VAMP7: variants seen among roughly 807,000 people sequenced by gnomAD.
The protein encoded by VAMP7 is vesicle associated membrane protein 7.
Under a neutral mutation model 29.6 loss-of-function variants are expected in VAMP7, and 14 were observed. That is an observed-to-expected ratio of 0.47 (90% CI 0.31 to 0.74). The LOEUF (loss-of-function observed/expected upper bound fraction) is 0.74. Among genes scored for constraint, VAMP7 ranks in the 30% least tolerant of loss-of-function variants. The pLI is 0.05. For missense variants in VAMP7, 223 were observed against 262.4 expected, an observed-to-expected ratio of 0.85 and a Z score of 1.04; for synonymous variants, 95 against 88.1, an observed-to-expected ratio of 1.08 and a Z score of -0.44.
chrX:155,935,079 C>G (rs1014848694), intron 6 of VAMP7, among the ~76,000 whole-genome samples: 1 of 152,174 alleles, frequency 6.6e-6, no homozygotes, highest in African/African-American at 2.4e-5. Context: ...AGCTGTTAGT[C>G]TGATGGGCTT....
chrX:155,923,852 A>G (rs904150318), intron 6 of VAMP7, among the ~76,000 whole-genome samples: 1 of 151,940 alleles, frequency 6.6e-6, no homozygotes, highest in Non-Finnish European at 1.5e-5. Context: ...TTCTATTGCT[A>G]TGTCTTCAAG....
At chrX:155,927,765 G>T (rs1603000996) in intron 6 of VAMP7, among the ~76,000 whole-genome samples, 4 of 141,220 alleles carry the variant, frequency 2.8e-5, no homozygotes, top group South Asian at 2.2e-4. Flanking sequence ...CACAATGGCA[G>T]TTTTTTTTTT....
intron 4 of VAMP7, 126 bp downstream of exon 4, chrX:155,898,375 T>A: frequency 7.8e-7 from 1 of 1,283,358 alleles, no homozygotes; most frequent in African/African-American, 1.5e-5. Context: ...GCCAACATAA[T>A]AAAACTTCCC....
intron 3 of VAMP7, among the ~76,000 whole-genome samples, chrX:155,897,076 G>A: frequency 6.6e-6 from 1 of 151,984 alleles, no homozygotes. Flanking sequence ...GATGTGATGG[G>A]TGTTGACAGT....
At position 155,933,821 on chromosome X, in the gene VAMP7, C is replaced by T. The variant is rs1024098281; in HGVS notation, c.502-5880C>T. Among the ~76,000 whole-genome samples the T allele has an allele frequency of 5.1e-3, 773 of 152,098 alleles. 5 individuals are homozygous for T. Among genetic ancestry groups the T allele is most frequent in the African/African-American group, 0.017 (718 of 41,470 alleles). ...TGTCAATTTTATATCTTTCCTGCTT[C>T]CTTTTGTGGGCATTTAGTGCTATAA... On this transcript the variant is annotated intron_variant, in intron 6 of 7. Transcript: ENST00000286448.
At chrX:155,907,524 C>T (rs2066164183) in intron 5 of VAMP7, among the ~76,000 whole-genome samples, 1 of 149,436 alleles carries the variant, frequency 6.7e-6, no homozygotes, top group African/African-American at 2.5e-5. Context: ...GCACATCTTG[C>T]ACCGCCCTTA....
rs370305078 is a variant in VAMP7 at position 155,890,471 on chromosome X, G to C, written c.146+859G>C. ...CATCTCCCAGGTTCAGATGATTCTCGTGCCTTAGCCTCCTGAGTAGCTGGG... is the reference window on the plus strand; with the variant it reads ...CATCTCCCAGGTTCAGATGATTCTCCTGCCTTAGCCTCCTGAGTAGCTGGG... On this transcript the variant is annotated intron_variant, in intron 2 of 7. Coordinates refer to ENST00000286448, the MANE Select transcript of VAMP7 (RefSeq NM_005638.6). Among the ~76,000 whole-genome samples, 239 of 152,118 alleles carry C rather than the reference G, an allele frequency of 1.6e-3. 8 individuals are homozygous for C. The South Asian group carries it at 0.048, about 31-fold the overall frequency.
At chrX:155,921,979 T>A (rs2066402840) in intron 6 of VAMP7, among the ~76,000 whole-genome samples, 1 of 152,026 alleles carries the variant, frequency 6.6e-6, no homozygotes, top group Non-Finnish European at 1.5e-5. Context: ...GATTTAAAAA[T>A]TTTTCTCAGC....
chrX:155,927,721 G>T (rs2066490753), intron 6 of VAMP7, among the ~76,000 whole-genome samples: 1 of 148,384 alleles, frequency 6.7e-6, no homozygotes, highest in African/African-American at 2.5e-5. Flanking sequence ...TTTTTTTAAA[G>T]AATACTTTCT....
chrX:155,926,225 G>T (rs1267332800), intron 6 of VAMP7, among the ~76,000 whole-genome samples: 1 of 152,114 alleles, frequency 6.6e-6, no homozygotes, highest in Non-Finnish European at 1.5e-5. Context: ...CCAGTCATTG[G>T]CTTCTCTCTA....
chrX:155,888,213 G>T (rs1021318076), intron 1 of VAMP7, among the ~76,000 whole-genome samples: 4 of 152,162 alleles, frequency 2.6e-5, no homozygotes, highest in Non-Finnish European at 5.9e-5. Flanking sequence ...TGCTGGGATT[G>T]CAATAAGGAA....
chrX:155,904,012 A>G (rs2066109365), intron 5 of VAMP7, among the ~76,000 whole-genome samples: 2 of 151,978 alleles, frequency 1.3e-5, no homozygotes, highest in Admixed American at 6.6e-5. Context: ...ACACCATGGA[A>G]TACTATGCAG....
intron 7 of VAMP7, 78 bp from the exon 8 acceptor site, chrX:155,941,805 G>A (rs745430429): frequency 1.4e-6 from 2 of 1,448,408 alleles, no homozygotes; most frequent in Non-Finnish European, 1.9e-6. Context: ...TCTTAATAAG[G>A]CTCTACTTTC....
chrX:155,920,396 C>T (rs2066378545), intron 6 of VAMP7, among the ~76,000 whole-genome samples: 1 of 152,076 alleles, frequency 6.6e-6, no homozygotes, highest in African/African-American at 2.4e-5. Flanking sequence ...TTCCGTATGT[C>T]CTCACATTTT....
At chrX:155,916,369 T>C (rs2066313463) in intron 5 of VAMP7, among the ~76,000 whole-genome samples, 1 of 152,220 alleles carries the variant, frequency 6.6e-6, no homozygotes, top group Non-Finnish European at 1.5e-5. Flanking sequence ...AAGGTTAATA[T>C]TGTTATGTGT....
chrX:155,885,851 A>G (rs2065858758), intron 1 of VAMP7, among the ~76,000 whole-genome samples: 1 of 152,202 alleles, frequency 6.6e-6, no homozygotes, highest in African/African-American at 2.4e-5. Context: ...AACCCTGCCA[A>G]CATCTTGATT....
At chrX:155,889,654 A>T in intron 2 of VAMP7, 42 bp downstream of exon 2, 1 of 1,609,160 alleles carries the variant, frequency 6.2e-7, no homozygotes, top group Non-Finnish European at 8.5e-7. Context: ...AAAGAAGGGA[A>T]TTCTGTTACT....
Position 155,886,637 on chromosome X carries a change from A to G in VAMP7, c.-9-2821A>G, listed in dbSNP as rs190740376. ...CTCCAGCCAGTCTTCAGATGACACA[A>G]TCTCCATGTCTCTCACCCATATTGT... On this transcript the variant is annotated intron_variant, in intron 1 of 7. Transcript: ENST00000286448. Among the ~76,000 whole-genome samples, 448 of 152,194 alleles carry G rather than the reference A, an allele frequency of 2.9e-3. 2 individuals carry two copies. Among genetic ancestry groups the G allele is most frequent in the African/African-American group, 0.01 (424 of 41,536 alleles).
intron 6 of VAMP7, among the ~76,000 whole-genome samples, chrX:155,924,719 TGTG>T (rs2066444675): frequency 6.6e-6 from 1 of 152,202 alleles, no homozygotes; most frequent in Non-Finnish European, 1.5e-5. Context: ...TGCTGAAGGT[TGTG>T]GTGGCTGTGG....
Sources: gnomAD v4.1 joint callset for allele counts (sites outside exome capture counted in the v4.1 genomes callset) on GRCh38, gnomAD v4.1.1 for gene constraint, MANE v1.5 for transcripts, NCBI Gene and HGNC (gene_info 2026-07-23, HGNC 2026-07-21) for gene names.